LRMDA: variants seen among roughly 807,000 people sequenced by gnomAD.
The protein encoded by LRMDA is leucine rich melanocyte differentiation associated, also known as leucine-rich melanocyte differentiation-associated protein.
A neutral mutation model predicts 29.8 loss-of-function variants in LRMDA; 18 were observed. The ratio of observed to expected loss-of-function variants is 0.60; its 90% CI spans 0.42 to 0.90. The LOEUF is 0.90. Ranked by LOEUF, LRMDA falls within the 40% of genes least tolerant of loss-of-function variation. LRMDA has a pLI of 0.00. For synonymous variants in LRMDA, 125 were observed against 109.4 expected (o/e 1.14, Z -0.89); for missense variants, 273 against 273.9 (o/e 1.00, Z 0.02).
At chr10:76,221,565 T>C (rs1851837934) in intron 5 of LRMDA, among the ~76,000 whole-genome samples, 2 of 152,212 alleles carry the variant, frequency 1.3e-5, no homozygotes, top group South Asian at 4.1e-4. Flanking sequence ...TTACAAGGGA[T>C]GTGAAGGACC....
At chr10:75,965,099 C>T (rs1371310601) in intron 2 of LRMDA, among the ~76,000 whole-genome samples, 3 of 152,112 alleles carry the variant, frequency 2.0e-5, no homozygotes, top group Admixed American at 6.6e-5. Flanking sequence ...TATTTGGCAC[C>T]CTTAAGCAAG....
chr10:75,836,783 G>A (rs944500698), intron 2 of LRMDA, among the ~76,000 whole-genome samples: 7 of 151,968 alleles, frequency 4.6e-5, no homozygotes, highest in Non-Finnish European at 8.8e-5. Flanking sequence ...CTCTCTCTCC[G>A]AATGATCTTT....
At chr10:76,383,693 G>A (rs1229386549) in intron 6 of LRMDA, among the ~76,000 whole-genome samples, 1 of 151,478 alleles carries the variant, frequency 6.6e-6, no homozygotes, top group East Asian at 1.9e-4. Context: ...GCCTCCCAAA[G>A]TGCTGGGATT....
At chr10:75,822,261 G>A (rs1844174677) in intron 2 of LRMDA, among the ~76,000 whole-genome samples, 1 of 151,962 alleles carries the variant, frequency 6.6e-6, no homozygotes, top group African/African-American at 2.4e-5. Context: ...TAATCAAGGA[G>A]GTGAAATATC....
At chr10:75,960,641 TCTCA>T (rs1846747999) in intron 2 of LRMDA, among the ~76,000 whole-genome samples, 1 of 152,180 alleles carries the variant, frequency 6.6e-6, no homozygotes, top group Non-Finnish European at 1.5e-5. Context: ...AGAGATAGAG[TCTCA>T]CTCTGTTGCC....
At chr10:76,220,736 A>G (rs1457531773) in intron 5 of LRMDA, among the ~76,000 whole-genome samples, 1 of 152,182 alleles carries the variant, frequency 6.6e-6, no homozygotes, top group African/African-American at 2.4e-5. Flanking sequence ...ATTCCAATCA[A>G]TAGAAAAAGA....
chr10:75,624,750 C>T (rs1841230315), intron 2 of LRMDA, among the ~76,000 whole-genome samples: 1 of 152,170 alleles, frequency 6.6e-6, no homozygotes, highest in South Asian at 2.1e-4. Flanking sequence ...GCAGTGGGCA[C>T]ATTTTTCATC....
At chr10:76,111,523 T>C (rs954939574) in intron 5 of LRMDA, among the ~76,000 whole-genome samples, 1 of 152,246 alleles carries the variant, frequency 6.6e-6, no homozygotes, top group African/African-American at 2.4e-5. Context: ...CAGCATAAAT[T>C]ATATGCAGTT....
Position 75,601,741 on chromosome 10 carries a change from A to G in LRMDA, c.131+163247A>G, listed in dbSNP as rs1480535913. Among the ~76,000 whole-genome samples the G allele has an allele frequency of 2.0e-5, 3 of 152,306 alleles. No individual in the cohort carries two copies. The South Asian group carries it at 6.2e-4, about 32-fold the overall frequency. On this transcript the variant is annotated intron_variant, in intron 2 of 6. Coordinates refer to ENST00000611255, the MANE Select transcript of LRMDA (RefSeq NM_001305581.2). Reference sequence around the variant, plus strand: ...TATCATGTGCTATACATTGTGTTCAATGCTTTACGTGTATTATCCCAATTA... The same window carrying G: ...TATCATGTGCTATACATTGTGTTCAGTGCTTTACGTGTATTATCCCAATTA...
chr10:75,669,811 A>T (rs577739861), intron 2 of LRMDA, among the ~76,000 whole-genome samples: 1 of 152,322 alleles, frequency 6.6e-6, no homozygotes, highest in South Asian at 2.1e-4. Flanking sequence ...AAGACATATA[A>T]ATAGGAGAAA....
intron 6 of LRMDA, among the ~76,000 whole-genome samples, chr10:76,361,689 G>A (rs113676383): frequency 5.3e-5 from 8 of 152,282 alleles, no homozygotes; most frequent in African/African-American, 1.7e-4. Flanking sequence ...CTCACACTGA[G>A]CAAATGCACC....
At chr10:76,312,610 A>C (rs952018562) in intron 5 of LRMDA, among the ~76,000 whole-genome samples, 4 of 152,216 alleles carry the variant, frequency 2.6e-5, no homozygotes, top group Non-Finnish European at 4.4e-5. Context: ...ACAGTCCTAC[A>C]AACCCAGTTG....
intron 2 of LRMDA, among the ~76,000 whole-genome samples, chr10:75,472,042 C>G (rs1713746556): frequency 6.6e-6 from 1 of 152,172 alleles, no homozygotes; most frequent in Admixed American, 6.5e-5. Flanking sequence ...TCTTTTTACC[C>G]ACCAGTTTGA....
chr10:75,510,197 A>G (rs1845211121), intron 2 of LRMDA, among the ~76,000 whole-genome samples: 1 of 152,108 alleles, frequency 6.6e-6, no homozygotes, highest in Non-Finnish European at 1.5e-5. Flanking sequence ...GCTTTCTTCC[A>G]CAAGTGATGG....
chr10:75,697,850 T>TGTGTGTGTGTGTGTGTGTGTGC lies in LRMDA; in HGVS notation c.131+259357_131+259358insTGTGTGTGTGTGTGTGTGTGCG, dbSNP rs10664076. On this transcript the variant is annotated intron_variant, in intron 2 of 6. Coordinates refer to ENST00000611255, the MANE Select transcript of LRMDA (RefSeq NM_001305581.2). Reference sequence around the variant, plus strand: ...GCATGTAAGAGTGTGTGTGTGTGTGTGCGTGTGTGTGTGTGTCTCATTCGC... The same window carrying TGTGTGTGTGTGTGTGTGTGTGC: ...GCATGTAAGAGTGTGTGTGTGTGTGTGTGTGTGTGTGTGTGTGTGTGCGCGTGTGTGTGTGTGTCTCATTCGC... Among the ~76,000 whole-genome samples, 374 of 151,702 alleles carry TGTGTGTGTGTGTGTGTGTGTGC rather than the reference T, an allele frequency of 2.5e-3. 3 individuals carry two copies. The highest frequency in any genetic ancestry group is 8.5e-3 in the African/African-American group (350 of 41,204).
chr10:76,215,391 A>G (rs1365189593), intron 5 of LRMDA, among the ~76,000 whole-genome samples: 1 of 152,168 alleles, frequency 6.6e-6, no homozygotes, highest in African/African-American at 2.4e-5. Context: ...AGACATTGCT[A>G]ATCTATGATG....
chr10:76,244,742 T>A (rs570194248), intron 5 of LRMDA, among the ~76,000 whole-genome samples: 1 of 152,250 alleles, frequency 6.6e-6, no homozygotes, highest in Non-Finnish European at 1.5e-5. Flanking sequence ...ATGTCTTTAG[T>A]TCATTGATTT....
At chr10:75,608,415 C>T (rs1840986235) in intron 2 of LRMDA, among the ~76,000 whole-genome samples, 1 of 151,922 alleles carries the variant, frequency 6.6e-6, no homozygotes, top group Non-Finnish European at 1.5e-5. Context: ...CCTAAATGTA[C>T]AGCATGTGAC....
At chr10:75,540,519 A>G (rs947123832) in intron 2 of LRMDA, among the ~76,000 whole-genome samples, 3 of 152,062 alleles carry the variant, frequency 2.0e-5, no homozygotes, top group Non-Finnish European at 2.9e-5. Flanking sequence ...GGCTTTTCTT[A>G]TTTCCACTTG....
Sources: gnomAD v4.1 joint callset for allele counts (sites outside exome capture counted in the v4.1 genomes callset) on GRCh38, gnomAD v4.1.1 for gene constraint, MANE v1.5 for transcripts, NCBI Gene and HGNC (gene_info 2026-07-23, HGNC 2026-07-21) for gene names.